PABPN1L: variants seen among roughly 807,000 people sequenced by gnomAD.
The protein encoded by PABPN1L is embryonic polyadenylate-binding protein 2.
A neutral mutation model predicts 34.0 loss-of-function variants in PABPN1L; 45 were observed. The ratio of observed to expected loss-of-function variants is 1.32; its 90% CI spans 1.04 to 1.70. The LOEUF is 1.70. PABPN1L is among the 40% of genes most tolerant of loss of function. The probability of loss-of-function intolerance (pLI) is 0.00; values close to 1 mark genes in which losing one functional copy is unlikely to be tolerated. For synonymous variants in PABPN1L, 182 were observed against 152.1 expected, an observed-to-expected ratio of 1.20 and a Z score of -1.45; for missense variants, 459 against 367.8, an observed-to-expected ratio of 1.25 and a Z score of -2.03.
rs1489634369 is a variant in PABPN1L, at chr16:88,864,393, C to T, written c.655-14G>A. On this transcript the variant is annotated splice_polypyrimidine_tract_variant and intron_variant, in intron 5 of 6. Coordinates refer to ENST00000419291, the Ensembl canonical transcript of PABPN1L. ...TTTCGGCAGCACCTGGAGCAAAGGC[C>T]TGTTTTGAGTCCTCCTCAAGGAGCA... 6.4e-7 allele frequency: 1 copy of T among 1,552,196 alleles called. No individual in the cohort carries two copies. The highest frequency in any genetic ancestry group is 8.7e-7 in the Non-Finnish European group (1 of 1,147,706).
chr16:88,863,854 A>G (rs373994548), intron 6 of PABPN1L, 59 bp from the exon 7 acceptor site: 40 of 1,487,352 alleles, frequency 2.7e-5, no homozygotes, highest in East Asian at 2.0e-4. Flanking sequence ...GTGGTGGCCC[A>G]GGGCCCCGGG....
At chr16:88,866,572 G>T in exon 1 of PABPN1L, 1 of 1,553,420 alleles carries the variant, frequency 6.4e-7, no homozygotes, top group South Asian at 1.2e-5. Flanking sequence ...CTGAGTCGGG[G>T]GTGGGAAGAG....
upstream of PABPN1L, among the ~76,000 whole-genome samples, chr16:88,868,304 TC>T (rs2143021224): frequency 6.6e-6 from 1 of 152,266 alleles, no homozygotes; most frequent in South Asian, 2.1e-4. Context: ...CTCTGCTTTT[TC>T]CAAAGAGGGT....
chr16:88,866,878 G>A (rs1031855551), upstream of PABPN1L, among the ~76,000 whole-genome samples: 5 of 152,240 alleles, frequency 3.3e-5, no homozygotes, highest in African/African-American at 1.2e-4. Context: ...TTCTGCTTCC[G>A]CCTGGCCACG....
intron 3 of PABPN1L, 37 bp from the exon 4 acceptor site, chr16:88,865,165 C>A: frequency 1.3e-6 from 2 of 1,545,460 alleles, no homozygotes; most frequent in Non-Finnish European, 1.7e-6. Flanking sequence ...GAGGGAGACG[C>A]CTGGCCCTGA....
At chr16:88,863,713 C>A in exon 7 of PABPN1L, 1 of 1,534,266 alleles carries the variant, frequency 6.5e-7, no homozygotes, top group Non-Finnish European at 8.7e-7. Context: ...TGGTTTACTC[C>A]TGATCCAGGC....
upstream of PABPN1L, among the ~76,000 whole-genome samples, chr16:88,868,961 C>A (rs976708625): frequency 2.0e-5 from 3 of 152,328 alleles, no homozygotes; most frequent in African/African-American, 7.2e-5. Flanking sequence ...CTAGATCACA[C>A]TATCTGGGTG....
At position 88,865,894 on chromosome 16, in the gene PABPN1L, C is replaced by T. The variant is rs368898412; in HGVS notation, c.303G>A (p.Glu101=). The stretch of plus-strand genomic sequence containing the variant: ...GCACTCCTGGAGGCCGTGGCGTCCC[C>T]TCGGCCTGCTCCATGGCACACACCT... The change falls in exon 2 of 7, where the codon GAG becomes GAA. Residue 101 remains glutamate, a synonymous_variant. Coordinates refer to ENST00000419291, the Ensembl canonical transcript of PABPN1L. 3.7e-6 allele frequency: 6 copies of T among 1,609,400 alleles called. No individual in the cohort carries two copies. The African/African-American group carries it at 8.0e-5, about 21-fold the overall frequency.
At chr16:88,867,458 T>G (rs1351630203), upstream of PABPN1L, among the ~76,000 whole-genome samples, 1 of 152,158 alleles carries the variant, frequency 6.6e-6, no homozygotes, top group Non-Finnish European at 1.5e-5. Context: ...CTCGAACTCC[T>G]GACCTCAGGT....
At chr16:88,866,314 G>A (rs1290718420) in intron 1 of PABPN1L, 38 bp downstream of exon 1, 6 of 1,532,694 alleles carry the variant, frequency 3.9e-6, no homozygotes, top group Admixed American at 2.0e-5. Flanking sequence ...TGTGCCCCAG[G>A]TCCCCTGAGA....
chr16:88,863,568 G>A (rs750891748), exon 7 of PABPN1L: 3 of 752,010 alleles, frequency 4.0e-6, no homozygotes, highest in Non-Finnish European at 6.8e-6. Context: ...CTGTGGCCTT[G>A]GGTCTGGACC....
At chr16:88,865,420 G>C (rs528338078) in intron 3 of PABPN1L, 143 bp downstream of exon 3, 7 of 1,032,528 alleles carry the variant, frequency 6.8e-6, no homozygotes, top group Admixed American at 2.7e-5. Flanking sequence ...GCCCAGGCCA[G>C]TGTTTCCTCA....
chr16:88,865,889 G>T, exon 2 of PABPN1L: 1 of 1,609,434 alleles, frequency 6.2e-7, no homozygotes, highest in East Asian at 2.2e-5. Flanking sequence ...AGGCCGTGGC[G>T]TCCCCTCGGC....
chr16:88,866,006 G>T (rs1968583924), intron 1 of PABPN1L, 65 bp from the exon 2 acceptor site: 4 of 1,497,908 alleles, frequency 2.7e-6, no homozygotes, highest in Non-Finnish European at 3.6e-6. Context: ...AGGTGGGTGT[G>T]TGGCCTGCCA....
chr16:88,869,479 TTGA>T (rs1968659114), upstream of PABPN1L, among the ~76,000 whole-genome samples: 1 of 152,214 alleles, frequency 6.6e-6, no homozygotes, highest in Non-Finnish European at 1.5e-5. Context: ...CCGTCCAGTG[TTGA>T]TGACTTGGCC....
exon 7 of PABPN1L, chr16:88,863,479 T>C: frequency 3.6e-6 from 2 of 562,742 alleles, no homozygotes; most frequent in Admixed American, 3.0e-5. Flanking sequence ...GCTCCTCCCC[T>C]CCCTCAACAC....
chr16:88,865,701 C>G, intron 2 of PABPN1L, 71 bp from the exon 3 acceptor site: 2 of 1,555,398 alleles, frequency 1.3e-6, no homozygotes, highest in South Asian at 2.4e-5. Context: ...GAAGGTCGCC[C>G]AGGCTTATAG....
At chr16:88,866,736 C>T, upstream of PABPN1L, 1 of 1,314,126 alleles carries the variant, frequency 7.6e-7, no homozygotes, top group Non-Finnish European at 1.0e-6. Context: ...AGAGCATTTG[C>T]AAAGGCTGAG....
At chr16:88,864,767 A>T (rs1968546743) in intron 5 of PABPN1L, 86 bp downstream of exon 5, 4 of 1,384,426 alleles carry the variant, frequency 2.9e-6, no homozygotes, top group Non-Finnish European at 3.0e-6. Context: ...TGCAGAGAGG[A>T]GCCAGCTGGG....
Sources: allele counts gnomAD v4.1 joint callset (sites outside exome capture counted in the v4.1 genomes callset), GRCh38; gene constraint gnomAD v4.1.1; transcripts MANE v1.5; gene names NCBI Gene and HGNC (gene_info 2026-07-23, HGNC 2026-07-21).